CRB1: variants seen among roughly 807,000 people sequenced by gnomAD.
CRB1 encodes crumbs cell polarity complex component 1, also known as protein crumbs homolog 1.
In CRB1, 83 loss-of-function variants were observed where a neutral mutation model predicts 120.0. The observed-to-expected ratio is 0.69, with a 90% CI of 0.58 to 0.83. The LOEUF is 0.83. CRB1 is among the 40% of genes least tolerant of loss of function. The probability of loss-of-function intolerance (pLI) is 0.00; values close to 1 mark genes in which losing one functional copy is unlikely to be tolerated. For missense variants in CRB1, 1,699 were observed against 1,687.6 expected (o/e 1.01, Z -0.12); for synonymous variants, 625 against 612.5 (o/e 1.02, Z -0.30).
chr1:197,405,039 GC>G (rs1449601912), intron 5 of CRB1, among the ~76,000 whole-genome samples: 7 of 143,492 alleles, frequency 4.9e-5, no homozygotes, highest in Middle Eastern at 3.4e-3. Flanking sequence ...TAATGTGCTC[GC>G]CCTCGCCCTC....
chr1:197,448,494 G>C (rs1665807456), intron 11 of CRB1, among the ~76,000 whole-genome samples: 1 of 152,124 alleles, frequency 6.6e-6, no homozygotes, highest in South Asian at 2.1e-4. Context: ...GACACAAACT[G>C]TCTCCAACTT....
At chr1:197,256,683 T>C in the CRB1 span, among the ~76,000 whole-genome samples, 8 of 152,082 alleles carry the variant, frequency 5.3e-5, no homozygotes, top group Non-Finnish European at 7.4e-5. Context: ...AGCAGAAAAT[T>C]GATTTTTCTC....
At chr1:197,410,857 A>C (rs1216359284) in intron 5 of CRB1, among the ~76,000 whole-genome samples, 2 of 152,206 alleles carry the variant, frequency 1.3e-5, no homozygotes, top group African/African-American at 4.8e-5. Flanking sequence ...AAATCTGCAC[A>C]GCTTCAATGT....
chr1:197,477,317 C>A (rs555297811), intron 11 of CRB1, among the ~76,000 whole-genome samples: 5 of 152,128 alleles, frequency 3.3e-5, no homozygotes, highest in Admixed American at 2.0e-4. Context: ...ATGAATAATA[C>A]GTGGCTATAG....
At chr1:197,351,364 CAAAAAAAA>C (rs35672792) in intron 4 of CRB1, among the ~76,000 whole-genome samples, 4 of 86,052 alleles carry the variant, frequency 4.6e-5, no homozygotes, top group South Asian at 3.9e-4. Flanking sequence ...TGAGACTTGG[CAAAAAAAA>C]AAAAAAAAAA....
At chr1:197,372,547 T>C (rs545256011) in intron 5 of CRB1, among the ~76,000 whole-genome samples, 5 of 152,266 alleles carry the variant, frequency 3.3e-5, no homozygotes, top group Non-Finnish European at 5.9e-5. Flanking sequence ...CCATTGCCAT[T>C]TATGGCAACA....
chr1:197,203,607 G>C, the CRB1 span, among the ~76,000 whole-genome samples: 2 of 152,184 alleles, frequency 1.3e-5, no homozygotes, highest in Admixed American at 6.5e-5. Flanking sequence ...TTATAGGTGT[G>C]AGCCATGGCG....
chr1:197,423,970 T>C (rs913376600), intron 6 of CRB1, among the ~76,000 whole-genome samples: 1 of 152,206 alleles, frequency 6.6e-6, no homozygotes, highest in African/African-American at 2.4e-5. Flanking sequence ...TGTAAGAACA[T>C]GCAGCATTCA....
At chr1:197,336,342 G>A (rs1287850645) in intron 2 of CRB1, among the ~76,000 whole-genome samples, 5 of 152,056 alleles carry the variant, frequency 3.3e-5, no homozygotes, top group African/African-American at 1.2e-4. Flanking sequence ...CACTTTGAAG[G>A]CATCTGTGGC....
At chr1:197,387,056 C>T (rs559415240) in intron 5 of CRB1, among the ~76,000 whole-genome samples, 1 of 152,180 alleles carries the variant, frequency 6.6e-6, no homozygotes, top group South Asian at 2.1e-4. Flanking sequence ...TGACATCACT[C>T]CATTGGTCCT....
chr1:197,442,606 T>A, intron 11 of CRB1: 13 of 1,258,536 alleles, frequency 1.0e-5, no homozygotes, highest in Non-Finnish European at 1.4e-5. Flanking sequence ...CTATTCTAAC[T>A]TTAAATATGA....
intron 5 of CRB1, among the ~76,000 whole-genome samples, chr1:197,411,485 T>G (rs1009140309): frequency 8.5e-5 from 13 of 152,222 alleles, no homozygotes; most frequent in African/African-American, 3.1e-4. Flanking sequence ...GTTTTGTGGT[T>G]TCTTCACCTC....
the CRB1 span, among the ~76,000 whole-genome samples, chr1:197,214,455 A>G: frequency 2.0e-4 from 30 of 152,064 alleles, no homozygotes; most frequent in Non-Finnish European, 3.8e-4. Context: ...CACAGGGCCT[A>G]CTCTGGGACT....
intron 5 of CRB1, among the ~76,000 whole-genome samples, chr1:197,360,141 C>T (rs544998221): frequency 9.2e-5 from 14 of 152,074 alleles, no homozygotes; most frequent in African/African-American, 3.4e-4. Flanking sequence ...CCTACTCAGC[C>T]ACATAAGAAT....
intron 1 of CRB1, among the ~76,000 whole-genome samples, chr1:197,317,523 G>A (rs1017267765): frequency 1.3e-5 from 2 of 152,048 alleles, no homozygotes; most frequent in African/African-American, 2.4e-5. Flanking sequence ...ACCACAGAAG[G>A]CCCCAAATTA....
chr1:197,427,854 T>C lies in CRB1; in HGVS notation c.2529T>C (p.Leu843=), dbSNP rs1475842947. The change falls in exon 7 of 12, where the codon CTT becomes CTC. Residue 843 remains leucine, a synonymous_variant. Coordinates refer to ENST00000367400, the MANE Select transcript of CRB1 (RefSeq NM_201253.3). ...TACCTGACAAGCAAGAGACTGAACT[T>C]AATGGTGGATTCTTCAAAGGCTGTA... ...GGLPDKQETE[L]NGGFFKGCIQ... The C allele has an allele frequency of 6.2e-7, 1 of 1,614,000 alleles. No individual in the cohort carries two copies. The highest frequency in any genetic ancestry group is 8.5e-7 in the Non-Finnish European group (1 of 1,179,974).
intron 2 of CRB1, among the ~76,000 whole-genome samples, chr1:197,341,698 A>G (rs536260629): frequency 9.2e-5 from 14 of 151,912 alleles, no homozygotes; most frequent in Non-Finnish European, 2.1e-4. Context: ...CTACGAATAG[A>G]TAAACCAAAC....
intron 1 of CRB1, among the ~76,000 whole-genome samples, chr1:197,275,373 T>C (rs917893671): frequency 1.3e-5 from 2 of 152,090 alleles, no homozygotes; most frequent in African/African-American, 4.8e-5. Flanking sequence ...TTTTATTGGG[T>C]AAAATTGGTT....
At chr1:197,337,438 T>C (rs563779195) in intron 2 of CRB1, among the ~76,000 whole-genome samples, 3 of 152,348 alleles carry the variant, frequency 2.0e-5, no homozygotes, top group East Asian at 3.9e-4. Flanking sequence ...GGTTTGGTAC[T>C]GATAAATAAC....
Sources: gnomAD v4.1 joint callset for allele counts (sites outside exome capture counted in the v4.1 genomes callset) on GRCh38, gnomAD v4.1.1 for gene constraint, MANE v1.5 for transcripts, NCBI Gene and HGNC (gene_info 2026-07-23, HGNC 2026-07-21) for gene names.